TMEM131: variants seen among roughly 807,000 people sequenced by gnomAD.
TMEM131 encodes the protein transmembrane protein 131, also known as 2610524E03Rik.
TMEM131 carries 66 observed loss-of-function variants against 211.6 expected under a neutral mutation model. The observed-to-expected ratio is 0.31, with a 90% CI of 0.26 to 0.38. The LOEUF is 0.38. Among genes scored for constraint, TMEM131 ranks in the 10% least tolerant of loss-of-function variants. TMEM131 has a pLI of 1.00. For missense variants in TMEM131, 2,036 were observed against 2,299.3 expected, an observed-to-expected ratio of 0.89 and a Z score of 2.34; for synonymous variants, 844 against 841.3, an observed-to-expected ratio of 1.00 and a Z score of -0.06.
At chr2:97,912,421 A>G (rs932683543) in intron 2 of TMEM131, among the ~76,000 whole-genome samples, 2 of 152,214 alleles carry the variant, frequency 1.3e-5, no homozygotes, top group Admixed American at 6.5e-5. Context: ...TCATGAATTC[A>G]CATCCAGAGA....
At chr2:97,788,093 G>A (rs193040814) in intron 31 of TMEM131, among the ~76,000 whole-genome samples, 6 of 152,192 alleles carry the variant, frequency 3.9e-5, no homozygotes, top group African/African-American at 1.4e-4. Flanking sequence ...CTCCTGTGAC[G>A]TCCTCACTCG....
intron 3 of TMEM131, among the ~76,000 whole-genome samples, chr2:97,907,482 C>G (rs1247290220): frequency 6.6e-6 from 1 of 152,128 alleles, no homozygotes; most frequent in Non-Finnish European, 1.5e-5. Context: ...TTTCGCTAGT[C>G]TGGAGACATT....
chr2:97,976,435 A>G (rs1679538227), intron 1 of TMEM131, among the ~76,000 whole-genome samples: 1 of 151,944 alleles, frequency 6.6e-6, no homozygotes. Flanking sequence ...AACTAGTATC[A>G]AAAATATGAA....
At position 97,809,717 on chromosome 2, in the gene TMEM131, T is replaced by C; in HGVS notation, c.2026A>G (p.Lys676Glu). Residue 676 changes from lysine to glutamate, a missense_variant, in exon 19 of 41, where the codon AAG becomes GAG. This residue lies in a region of TMEM131 where 1,623 missense variants were observed against 1,805.9 expected (regional missense o/e 0.90). Transcript: ENST00000186436. ...IAVGSLTCFP[K>E]HVVLPPSFPG... The stretch of plus-strand genomic sequence containing the variant: ...AAGGAAGGTGGAAGAACCACGTGCT[T>C]AGGGAAGCAGGTCAGTGAGCCTACT... The C allele has an allele frequency of 6.2e-7, 1 of 1,611,080 alleles. No homozygotes were observed. Among genetic ancestry groups the C allele is most frequent in the Non-Finnish European group, 8.5e-7 (1 of 1,178,706 alleles).
intron 18 of TMEM131, among the ~76,000 whole-genome samples, chr2:97,810,778 T>A (rs1681512734): frequency 6.6e-6 from 1 of 152,202 alleles, no homozygotes. Flanking sequence ...CCCTGACTGC[T>A]ATTTATGATT....
intron 4 of TMEM131, among the ~76,000 whole-genome samples, chr2:97,868,953 C>G (rs6723466): frequency 1.3e-5 from 2 of 151,960 alleles, no homozygotes; most frequent in African/African-American, 4.8e-5. Context: ...ACTACAGCCA[C>G]GATACTGCAG....
chr2:97,828,862 G>A (rs184989772), intron 11 of TMEM131, among the ~76,000 whole-genome samples: 3 of 152,304 alleles, frequency 2.0e-5, no homozygotes, highest in South Asian at 2.1e-4. Context: ...TAGGTCCTGT[G>A]ACAGCCATCT....
intron 1 of TMEM131, among the ~76,000 whole-genome samples, chr2:97,988,461 T>G (rs1680124384): frequency 6.6e-6 from 1 of 152,148 alleles, no homozygotes. Context: ...AAACTTTTGT[T>G]CAAAGAATAT....
At chr2:97,926,431 A>C (rs1350325944) in intron 2 of TMEM131, among the ~76,000 whole-genome samples, 1 of 152,162 alleles carries the variant, frequency 6.6e-6, no homozygotes, top group African/African-American at 2.4e-5. Context: ...TCTGAGAAAC[A>C]CTCTTCAACA....
chr2:97,908,583 A>G, intron 3 of TMEM131, 75 bp downstream of exon 3: 1 of 1,065,306 alleles, frequency 9.4e-7, no homozygotes. Context: ...GAGCAAGGGG[A>G]AAGAGGAGGG....
Position 97,832,020 on chromosome 2 carries a change from A to AAAAAAAG in TMEM131, c.1074+1338_1074+1344dup, listed in dbSNP as rs1219544273. On this transcript the variant is annotated intron_variant, in intron 11 of 40. Transcript: ENST00000186436. ...AGTCACTTCCAAAAAAAAAAAAAAA[A>AAAAAAAG]AAAAAAGCAGCTCTAACTCAGCTTT... Among the ~76,000 whole-genome samples, 56 of 150,348 alleles carry AAAAAAAG rather than the reference A, an allele frequency of 3.7e-4. 2 individuals are homozygous for AAAAAAAG. The highest frequency in any genetic ancestry group is 1.3e-3 in the African/African-American group (52 of 41,134).
At chr2:97,851,129 C>T (rs1005472348) in intron 5 of TMEM131, among the ~76,000 whole-genome samples, 5 of 151,870 alleles carry the variant, frequency 3.3e-5, no homozygotes, top group Admixed American at 1.3e-4. Flanking sequence ...CCTTGGTGAT[C>T]TCATCCAGAT....
chr2:97,869,335 A>G (rs1674398275), intron 4 of TMEM131, among the ~76,000 whole-genome samples: 1 of 152,206 alleles, frequency 6.6e-6, no homozygotes, highest in Non-Finnish European at 1.5e-5. Flanking sequence ...AAAAGAGACA[A>G]GTGTGGAAGT....
intron 7 of TMEM131, among the ~76,000 whole-genome samples, chr2:97,839,165 A>T (rs1387394402): frequency 6.6e-6 from 1 of 152,206 alleles, no homozygotes; most frequent in African/African-American, 2.4e-5. Context: ...TCTCTACAAA[A>T]AAATAAAAAA....
chr2:97,792,620 G>A lies in TMEM131; in HGVS notation c.3910C>T (p.Pro1304Ser). Residue 1304 changes from proline (P) to serine (S), a missense_variant, in exon 31 of 41, where the codon CCT becomes TCT. Coordinates refer to ENST00000186436, the MANE Select transcript of TMEM131 (RefSeq NM_015348.2). Reference sequence around the variant, plus strand: ...TGAGGCACTGGCGGTGGCAGAGGAGGCTGAGGGTGCTGCTCCAGCGGGCTG... The same window carrying A: ...TGAGGCACTGGCGGTGGCAGAGGAGACTGAGGGTGCTGCTCCAGCGGGCTG... Reference protein sequence around the residue: ...AHSPLEQHPQPPLPPPVPQPQ... With the variant: ...AHSPLEQHPQSPLPPPVPQPQ... The A allele has an allele frequency of 1.2e-6, 2 of 1,613,186 alleles. No individual in the cohort carries two copies. The highest frequency in any genetic ancestry group is 1.1e-5 in the South Asian group (1 of 91,016).
intron 1 of TMEM131, among the ~76,000 whole-genome samples, chr2:97,976,800 T>C (rs193014254): frequency 1.0e-3 from 152 of 151,804 alleles, no homozygotes; most frequent in Non-Finnish European, 1.4e-3. Context: ...GGCAGAAAAA[T>C]AGATTAACAG....
chr2:97,758,382 C>T, intron 40 of TMEM131, among the ~76,000 whole-genome samples: 1 of 152,248 alleles, frequency 6.6e-6, no homozygotes, highest in East Asian at 1.9e-4. Context: ...ATACTCTTTT[C>T]AGCATGGTCT....
At chr2:97,932,013 G>A (rs536642092) in intron 1 of TMEM131, among the ~76,000 whole-genome samples, 1 of 151,808 alleles carries the variant, frequency 6.6e-6, no homozygotes, top group South Asian at 2.1e-4. Context: ...AAGCAAGTCT[G>A]AAAAACATAA....
chr2:97,810,845 T>C (rs1349308757), intron 18 of TMEM131, among the ~76,000 whole-genome samples: 1 of 152,182 alleles, frequency 6.6e-6, no homozygotes, highest in African/African-American at 2.4e-5. Context: ...TGTGCAATGA[T>C]ATAACCATCT....
Sources: allele counts gnomAD v4.1 joint callset (sites outside exome capture counted in the v4.1 genomes callset), GRCh38; gene constraint gnomAD v4.1.1; regional missense constraint gnomAD v4.1.1; transcripts MANE v1.5; gene names NCBI Gene and HGNC (gene_info 2026-07-23, HGNC 2026-07-21).